The following CCDC186 variants were observed in gnomAD, a reference collection of about 807,000 sequenced individuals.
CCDC186 encodes the protein coiled-coil domain-containing protein 186.
In CCDC186, 49 loss-of-function variants were observed where a neutral mutation model predicts 113.7. The ratio of observed to expected loss-of-function variants is 0.43; its 90% CI spans 0.34 to 0.55. The LOEUF (loss-of-function observed/expected upper bound fraction) is 0.55, where lower values mean the gene tolerates loss of function less well. Ranked by LOEUF, CCDC186 falls within the 20% of genes least tolerant of loss-of-function variation. The probability of loss-of-function intolerance (pLI) is 0.02; values close to 1 mark genes in which losing one functional copy is unlikely to be tolerated. For missense variants in CCDC186, 890 were observed against 1,011.1 expected, an observed-to-expected ratio of 0.88 and a Z score of 1.62; for synonymous variants, 355 against 345.8, an observed-to-expected ratio of 1.03 and a Z score of -0.30.
chr10:114,165,158 TCTAC>T (rs1377672925), intron 1 of CCDC186, among the ~76,000 whole-genome samples: 1 of 152,236 alleles, frequency 6.6e-6, no homozygotes, highest in Non-Finnish European at 1.5e-5. Context: ...GCCTAAATAC[TCTAC>T]CTCTCTGTAT....
chr10:114,171,431 G>C (rs2032491346), intron 1 of CCDC186, among the ~76,000 whole-genome samples: 1 of 152,030 alleles, frequency 6.6e-6, no homozygotes. Flanking sequence ...TGTGCCTGTT[G>C]TCCTAGCTAC....
rs764603978 is a variant in CCDC186, at chr10:114,144,511, T to C, written c.1207A>G (p.Met403Val). 6.2e-7 allele frequency: 1 copy of C among 1,613,292 alleles called. No individual in the cohort carries two copies. Among genetic ancestry groups the C allele is most frequent in the Non-Finnish European group, 8.5e-7 (1 of 1,179,484 alleles). ...ACAGTACGTACCTTGTGTGAATCCATTTCAGCTTTTAATTTGTTTTGTGCC... is the reference window on the plus strand; with the variant it reads ...ACAGTACGTACCTTGTGTGAATCCACTTCAGCTTTTAATTTGTTTTGTGCC... The part of the protein sequence containing the change: ...KWAQNKLKAE[M>V]DSHKETKDKL... The change falls in exon 6 of 16, where the codon ATG becomes GTG. Residue 403 changes from methionine (M) to valine (V), a missense_variant. Physicochemically the swap from Met to Val is conservative, Grantham distance 21. Transcript: ENST00000369287.
intron 4 of CCDC186, among the ~76,000 whole-genome samples, chr10:114,150,306 A>G (rs1236095929): frequency 1.3e-5 from 2 of 152,236 alleles, no homozygotes; most frequent in African/African-American, 4.8e-5. Flanking sequence ...ATAAAAAAGC[A>G]CTGCTTAAAA....
rs181246631 is a variant in CCDC186, at chr10:114,155,477, C to G, written c.759+2077G>C. Among the ~76,000 whole-genome samples the G allele has an allele frequency of 2.3e-3, 349 of 152,276 alleles. 1 individual carries two copies. The highest frequency in any genetic ancestry group is 3.9e-3 in the Non-Finnish European group (263 of 68,026). On this transcript the variant is annotated intron_variant, in intron 3 of 15. Coordinates refer to ENST00000369287, the MANE Select transcript of CCDC186 (RefSeq NM_018017.4). ...ATCACCTGAGGTCAGGAGTTCAAGACTGGCCTGGCTAACATGGTGAAACCC... is the reference window on the plus strand; with the variant it reads ...ATCACCTGAGGTCAGGAGTTCAAGAGTGGCCTGGCTAACATGGTGAAACCC...
intron 1 of CCDC186, among the ~76,000 whole-genome samples, chr10:114,166,301 C>T (rs539651892): frequency 6.6e-5 from 10 of 152,266 alleles, no homozygotes; most frequent in African/African-American, 2.4e-4. Context: ...CCCCAACTTG[C>T]GTATTAACAT....
intron 9 of CCDC186, among the ~76,000 whole-genome samples, chr10:114,135,661 G>A (rs936905997): frequency 6.6e-6 from 1 of 152,170 alleles, no homozygotes; most frequent in Non-Finnish European, 1.5e-5. Flanking sequence ...CACAGCAAAT[G>A]TGCTGTGAAA....
At chr10:114,134,471 C>A (rs1199821932) in intron 10 of CCDC186, among the ~76,000 whole-genome samples, 1 of 152,188 alleles carries the variant, frequency 6.6e-6, no homozygotes, top group African/African-American at 2.4e-5. Flanking sequence ...TGGCTTCAAA[C>A]TGAATCCAGG....
At chr10:114,152,306 T>C (rs1018836574) in intron 3 of CCDC186, among the ~76,000 whole-genome samples, 13 of 150,104 alleles carry the variant, frequency 8.7e-5, no homozygotes, top group Non-Finnish European at 1.8e-4. Flanking sequence ...CCCACCATGG[T>C]ACGCCAGCCA....
rs1428441868 is a variant in CCDC186 at position 114,138,061 on chromosome 10, AAAAAAAAAAAAAT to A, written c.1222-784_1222-772del. ...TCAAAAAAAAAAAAAAAAAAAAAAA[AAAAAAAAAAAAAT>A]AAAAAAAATACACAAATTAGCCAGG... On this transcript the variant is annotated intron_variant, in intron 6 of 15. Transcript: ENST00000369287. Among the ~76,000 whole-genome samples, 23 of 96,718 alleles carry A rather than the reference AAAAAAAAAAAAAT, an allele frequency of 2.4e-4. 1 individual carries two copies. The highest frequency in any genetic ancestry group is 8.9e-4 in the African/African-American group (17 of 19,006). 63.5% of individuals were successfully genotyped at this position (96,718 alleles called of 152,430 possible).
chr10:114,168,666 C>T (rs1036141576), intron 1 of CCDC186, among the ~76,000 whole-genome samples: 2 of 152,138 alleles, frequency 1.3e-5, no homozygotes, highest in African/African-American at 2.4e-5. Flanking sequence ...TTCCCCATTC[C>T]CTAGCCCCCT....
chr10:114,166,824 T>C (rs1313768537), intron 1 of CCDC186, among the ~76,000 whole-genome samples: 2 of 152,154 alleles, frequency 1.3e-5, no homozygotes, highest in East Asian at 1.9e-4. Flanking sequence ...GATATTCATC[T>C]AGATTTAAAA....
At chr10:114,140,605 T>A (rs548995098) in intron 6 of CCDC186, among the ~76,000 whole-genome samples, 1 of 152,238 alleles carries the variant, frequency 6.6e-6, no homozygotes, top group African/African-American at 2.4e-5. Flanking sequence ...TATATGAATC[T>A]GGAGTTCTGG....
intron 6 of CCDC186, among the ~76,000 whole-genome samples, chr10:114,139,242 T>C (rs2031381786): frequency 6.6e-6 from 1 of 151,888 alleles, no homozygotes; most frequent in Admixed American, 6.6e-5. Context: ...TGGGAATGCC[T>C]TTCCCTGCAT....
chr10:114,131,856 AC>A, intron 11 of CCDC186, 72 bp downstream of exon 11: 1 of 1,311,206 alleles, frequency 7.6e-7, no homozygotes, highest in Non-Finnish European at 1.0e-6. Context: ...AACTACTATT[AC>A]TTTTATACTG....
At chr10:114,144,721 G>T in intron 5 of CCDC186, 105 bp from the exon 6 acceptor site, 1 of 995,102 alleles carries the variant, frequency 1.0e-6, no homozygotes, top group Non-Finnish European at 1.4e-6. Flanking sequence ...ATAATCAAGG[G>T]CTGGCACACT....
intron 1 of CCDC186, among the ~76,000 whole-genome samples, chr10:114,170,646 A>G (rs891640341): frequency 6.6e-5 from 10 of 152,182 alleles, no homozygotes; most frequent in Non-Finnish European, 1.0e-4. Flanking sequence ...TAATATACTG[A>G]GTTTAAGTGA....
chr10:114,144,566 G>A lies in CCDC186; in HGVS notation c.1152C>T (p.Asp384=), dbSNP rs2031577975. ...TTACTTTGATGACGTGAGAGTTAAT[G>A]TCTTCCTTTAATTTGTCTATTTCTC... is the stretch of plus-strand genomic sequence containing the variant. The part of the protein sequence containing the change: ...LIREIDKLKE[D]INSHVIKVKW... The change falls in exon 6 of 16, where the codon GAC becomes GAT. Residue 384 remains aspartate (D), a synonymous_variant. Coordinates refer to ENST00000369287, the MANE Select transcript of CCDC186 (RefSeq NM_018017.4). 1 of 1,612,938 alleles carries A rather than the reference G, an allele frequency of 6.2e-7. No homozygotes were observed. The highest frequency in any genetic ancestry group is 8.5e-7 in the Non-Finnish European group (1 of 1,179,172).
Position 114,125,950 on chromosome 10 carries a change from A to C in CCDC186, c.2549T>G (p.Leu850Trp). Residue 850 changes from leucine to tryptophan, a missense_variant, in exon 15 of 16, where the codon TTG (leucine) becomes TGG (tryptophan). Leu to Trp is a moderately conservative substitution (Grantham distance 61). Transcript: ENST00000369287. ...AGCCTGTAATTTTCGGTTGATTTCC[A>C]AAGAGAGCTCCAATGTTAATCCATT... ...ADNGLTLELS[L>W]EINRKLQAVL... The C allele has an allele frequency of 6.2e-7, 1 of 1,614,050 alleles. No homozygotes were observed. Among genetic ancestry groups the C allele is most frequent in the Non-Finnish European group, 8.5e-7 (1 of 1,179,950 alleles).
chr10:114,137,214 T>C lies in CCDC186; in HGVS notation c.1298A>G (p.Asn433Ser). The C allele has an allele frequency of 6.2e-7, 1 of 1,613,366 alleles. No individual in the cohort carries two copies. Among genetic ancestry groups the C allele is most frequent in the Non-Finnish European group, 8.5e-7 (1 of 1,179,596 alleles). The change falls in exon 7 of 16, where the codon AAC (asparagine) becomes AGC (serine). Residue 433 changes from asparagine to serine, a missense_variant. Transcript: ENST00000369287. Reference sequence around the variant, plus strand: ...ATATGTTTTTATCATATCCTGACAGTTTTTTCGTATCTGATCTGCTTCTTC... The same window carrying C: ...ATATGTTTTTATCATATCCTGACAGCTTTTTCGTATCTGATCTGCTTCTTC... The part of the protein sequence containing the change: ...AKEEADQIRK[N>S]CQDMIKTYQE...
Sources: allele counts gnomAD v4.1 joint callset (sites outside exome capture counted in the v4.1 genomes callset), GRCh38; gene constraint gnomAD v4.1.1; transcripts MANE v1.5; gene names NCBI Gene and HGNC (gene_info 2026-07-23, HGNC 2026-07-21).